The following SELPLG variants were observed in gnomAD, a reference collection of about 807,000 sequenced individuals.
The protein encoded by SELPLG is P-selectin glycoprotein ligand 1.
In SELPLG, 2 loss-of-function variants were observed where a neutral mutation model predicts 1.1. That is an observed-to-expected ratio of 1.82 (90% CI 0.74 to 5.71). SELPLG has a LOEUF of 5.71. Ranked by LOEUF, SELPLG falls within the 30% of genes most tolerant of loss-of-function variation. The pLI is 0.05. For missense variants in SELPLG, 478 were observed against 524.7 expected (o/e 0.91, Z 0.87); for synonymous variants, 230 against 221.2 (o/e 1.04, Z -0.35).
intron 1 of SELPLG, among the ~76,000 whole-genome samples, chr12:108,626,946 A>C (rs2031947303): frequency 6.6e-6 from 1 of 152,174 alleles, no homozygotes; most frequent in Admixed American, 6.5e-5. Context: ...CTCTACTAAA[A>C]ATACAAAAAT....
Position 108,623,117 on chromosome 12 carries a change from C to T in SELPLG, c.1191G>A (p.Arg397=), listed in dbSNP as rs1439294040. The part of the protein sequence containing the change: ...AKSPGLTPEP[R]EDREGDDLTL... The stretch of plus-strand genomic sequence containing the variant: ...TGAGGTCATCCCCCTCACGGTCCTC[C>T]CTGGGCTCTGGCGTCAGGCCCGGGC... The change falls in exon 2 of 2, where the codon AGG becomes AGA. Residue 397 remains arginine, a synonymous_variant. Transcript: ENST00000550948. 1.9e-6 allele frequency: 3 copies of T among 1,575,162 alleles called. No individual in the cohort carries two copies.
intron 1 of SELPLG, among the ~76,000 whole-genome samples, chr12:108,627,580 T>C (rs1285165978): frequency 6.6e-6 from 1 of 152,154 alleles, no homozygotes; most frequent in Non-Finnish European, 1.5e-5. Context: ...TCTGTAAAAT[T>C]GGGATAAGAA....
chr12:108,631,126 C>T lies in SELPLG; in HGVS notation c.-6+2614G>A, dbSNP rs575161519. On this transcript the variant is annotated intron_variant, in intron 1 of 1. Transcript: ENST00000550948. ...GGAACGTGCACAGAACTGCACAGCA[C>T]GTGCTGTCTTCACACTTTTCACACC... 3.1e-4 allele frequency among the ~76,000 whole-genome samples: 47 copies of T among 152,340 alleles called. 1 individual carries two copies. The highest frequency in any genetic ancestry group is 1.0e-3 in the African/African-American group (42 of 41,574).
rs915221311 is a variant in SELPLG at position 108,632,519 on chromosome 12, AT to A, written c.-6+1220del. ...AATACAAACTAATAAGAGTATTCTA[AT>A]TTTTTTTTTTTTGAGACAGGGTCTC... is the stretch of plus-strand genomic sequence containing the variant. On this transcript the variant is annotated intron_variant, in intron 1 of 1. Coordinates refer to ENST00000550948, the MANE Select transcript of SELPLG (RefSeq NM_003006.4). 3.3e-3 allele frequency among the ~76,000 whole-genome samples: 467 copies of A among 142,454 alleles called. 2 individuals are homozygous for A. The highest frequency in any genetic ancestry group is 7.2e-3 in the Middle Eastern group (2 of 278). 93.5% of individuals were successfully genotyped at this position (142,454 alleles called of 152,430 possible).
chr12:108,628,344 CA>C (rs2031978957), intron 1 of SELPLG, among the ~76,000 whole-genome samples: 1 of 151,624 alleles, frequency 6.6e-6, no homozygotes, highest in Non-Finnish European at 1.5e-5. Flanking sequence ...CACACACACA[CA>C]CACACACACA....
chr12:108,627,515 A>G (rs1247347700), intron 1 of SELPLG, among the ~76,000 whole-genome samples: 1 of 152,240 alleles, frequency 6.6e-6, no homozygotes, highest in Admixed American at 6.5e-5. Context: ...TCTGTCCCTT[A>G]CAAGCTGTAT....
At position 108,623,178 on chromosome 12, in the gene SELPLG, G is replaced by A; in HGVS notation, c.1130C>T (p.Ser377Phe). ...SLLPDGGEGP[S>F]ATANGGLSKA... ...GGACAGGCCCCCATTGGCTGTGGCA[G>A]AGGGCCCCTCACCCCCATCAGGCAA... Residue 377 changes from serine (S) to phenylalanine (F), a missense_variant, in exon 2 of 2, where the codon TCT becomes TTT. Ser to Phe is a radical substitution (Grantham distance 155, BLOSUM62 -2). Coordinates refer to ENST00000550948, the MANE Select transcript of SELPLG (RefSeq NM_003006.4). The A allele has an allele frequency of 6.2e-7, 1 of 1,613,720 alleles. No individual in the cohort carries two copies. Among genetic ancestry groups the A allele is most frequent in the Non-Finnish European group, 8.5e-7 (1 of 1,179,840 alleles).
chr12:108,632,377 T>A (rs1404901168), intron 1 of SELPLG, among the ~76,000 whole-genome samples: 1 of 143,402 alleles, frequency 7.0e-6, no homozygotes, highest in Non-Finnish European at 1.5e-5. Context: ...AGCCCAGATA[T>A]CGACAATATG....
In SELPLG at chr12:108,623,354, C is replaced by T. The variant is rs772937099; in HGVS notation, c.954G>A (p.Lys318=). Residue 318 remains lysine, a synonymous_variant, in exon 2 of 2, where the codon AAG becomes AAA. Coordinates refer to ENST00000550948, the MANE Select transcript of SELPLG (RefSeq NM_003006.4). ...PVGAPDHISV[K]QCLLAILILA... ...AGATTAGGATGGCCAGCAGGCACTG[C>T]TTCACAGAGATGTGGTCTGGGGCCC... 5.0e-6 allele frequency: 8 copies of T among 1,614,142 alleles called. No homozygotes were observed. The highest frequency in any genetic ancestry group is 6.8e-6 in the Non-Finnish European group (8 of 1,180,050).
At chr12:108,630,023 C>G (rs1177933407) in intron 1 of SELPLG, among the ~76,000 whole-genome samples, 1 of 152,212 alleles carries the variant, frequency 6.6e-6, no homozygotes, top group Non-Finnish European at 1.5e-5. Flanking sequence ...CCCGGAGCGG[C>G]GGGATCACTC....
intron 1 of SELPLG, among the ~76,000 whole-genome samples, chr12:108,631,450 T>G (rs866913204): frequency 1.3e-5 from 2 of 152,118 alleles, no homozygotes; most frequent in Middle Eastern, 3.4e-3. Context: ...GTTTTCCCCA[T>G]GTTGCCCAGG....
At chr12:108,630,746 T>G (rs1165836960) in intron 1 of SELPLG, among the ~76,000 whole-genome samples, 1 of 152,102 alleles carries the variant, frequency 6.6e-6, no homozygotes, top group African/African-American at 2.4e-5. Context: ...AAATGCTGAG[T>G]CCTCCCAGAA....
At chr12:108,628,389 G>C (rs959105341) in intron 1 of SELPLG, among the ~76,000 whole-genome samples, 4 of 149,824 alleles carry the variant, frequency 2.7e-5, no homozygotes, top group African/African-American at 1.0e-4. Context: ...TTGCCTTCAG[G>C]GCAGCAGAAT....
In SELPLG at chr12:108,624,122, C is replaced by T. The variant is rs2228315; in HGVS notation, c.186G>A (p.Met62Ile). ...GAGTGGTGTCAGTGCTGTTCCTCAG[C>T]ATTTCTGGAGGCTCCGTTTCTGGCA... ...DFLPETEPPE[M>I]LRNSTDTTPL... The change falls in exon 2 of 2, where the codon ATG becomes ATA. Residue 62 changes from methionine to isoleucine, a missense_variant. Physicochemically the swap from Met to Ile is conservative, Grantham distance 10. Coordinates refer to ENST00000550948, the MANE Select transcript of SELPLG (RefSeq NM_003006.4). 135,989 of 1,614,010 alleles carry T rather than the reference C, an allele frequency of 0.084. 8,858 individuals carry two copies. Among genetic ancestry groups the T allele is most frequent in the African/African-American group, 0.28 (21,204 of 74,930 alleles).
intron 1 of SELPLG, among the ~76,000 whole-genome samples, chr12:108,626,128 CTTTTTTTTT>C (rs573374699): frequency 8.0e-6 from 1 of 125,748 alleles, no homozygotes; most frequent in Non-Finnish European, 1.7e-5. Flanking sequence ...GGTTTCTTTT[CTTTTTTTTT>C]TTTTTTTTTT....
At chr12:108,626,034 G>GC (rs1565889389) in intron 1 of SELPLG, among the ~76,000 whole-genome samples, 1 of 151,936 alleles carries the variant, frequency 6.6e-6, no homozygotes, top group African/African-American at 2.4e-5. Flanking sequence ...ATCATTCCTC[G>GC]GGTGACTGTA....
intron 1 of SELPLG, chr12:108,632,029 T>C (rs1478255556): frequency 8.9e-7 from 1 of 1,118,156 alleles, no homozygotes; most frequent in Admixed American, 2.1e-5. Flanking sequence ...GCCTCAGTTT[T>C]CTCATCTGTA....
At chr12:108,631,889 C>A in intron 1 of SELPLG, 1 of 1,535,594 alleles carries the variant, frequency 6.5e-7, no homozygotes, top group Non-Finnish European at 8.7e-7. Flanking sequence ...AGACCACTGG[C>A]CCCCACTGCC....
rs749943821 is a variant in SELPLG, at chr12:108,624,164, G to A, written c.144C>T (p.Tyr48=). The A allele has an allele frequency of 1.9e-6, 3 of 1,614,180 alleles. No individual in the cohort carries two copies. The Admixed American group carries it at 5.0e-5, about 27-fold the overall frequency. The change falls in exon 2 of 2, where the codon TAC becomes TAT. Residue 48 remains tyrosine, a synonymous_variant. Transcript: ENST00000550948. ...TTTCTGGCAGGAAATCATAATCTAG[G>A]TACTCATATTCGGTGGCCTGTCTCC... ...RDRRQATEYE[Y]LDYDFLPETE...
Sources: gnomAD v4.1 joint callset for allele counts (sites outside exome capture counted in the v4.1 genomes callset) on GRCh38, gnomAD v4.1.1 for gene constraint, MANE v1.5 for transcripts, NCBI Gene and HGNC (gene_info 2026-07-23, HGNC 2026-07-21) for gene names.